ESRRG: variants seen among roughly 807,000 people sequenced by gnomAD.
The protein encoded by ESRRG is estrogen-related receptor gamma.
Under a neutral mutation model 44.0 loss-of-function variants are expected in ESRRG, and 13 were observed. That is an observed-to-expected ratio of 0.30 (90% CI 0.19 to 0.47). The LOEUF is 0.47. ESRRG is among the 20% of genes least tolerant of loss of function. The pLI is 1.00. For missense variants in ESRRG, 395 were observed against 580.6 expected (o/e 0.68, Z 3.29); for synonymous variants, 215 against 214.6 (o/e 1.00, Z -0.02).
chr1:216,522,476 G>T (rs890805551), intron 5 of ESRRG, among the ~76,000 whole-genome samples: 11 of 151,942 alleles, frequency 7.2e-5, no homozygotes, highest in Non-Finnish European at 1.2e-4. Context: ...TCTAGAAATT[G>T]CTGGCTCTCA....
At chr1:216,720,339 C>T (rs11572666) in intron 1 of ESRRG, among the ~76,000 whole-genome samples, 2,001 of 152,140 alleles carry the variant, frequency 0.013, 49 homozygotes, top group African/African-American at 0.046. Flanking sequence ...ACCAACACCA[C>T]ATACCTTTAA....
At chr1:216,613,378 G>A (rs2173372) in intron 3 of ESRRG, among the ~76,000 whole-genome samples, 26,475 of 151,920 alleles carry the variant, frequency 0.17, 2,521 homozygotes, top group Middle Eastern at 0.25. Context: ...TTTTTAAAGC[G>A]CCAAACACAG....
At chr1:216,525,201 G>A (rs1371051545) in intron 5 of ESRRG, among the ~76,000 whole-genome samples, 1 of 151,758 alleles carries the variant, frequency 6.6e-6, no homozygotes, top group Non-Finnish European at 1.5e-5. Flanking sequence ...GTTTTGTTTT[G>A]TTTTTTTCCT....
At chr1:216,877,571 T>A (rs2096377432) in intron 2 of ESRRG, among the ~76,000 whole-genome samples, 1 of 151,706 alleles carries the variant, frequency 6.6e-6, no homozygotes, top group South Asian at 2.1e-4. Context: ...ACCTGGCTAA[T>A]TTTTTTGTAT....
At chr1:217,021,563 T>C (rs2080331014) in intron 1 of ESRRG, among the ~76,000 whole-genome samples, 1 of 152,202 alleles carries the variant, frequency 6.6e-6, no homozygotes, top group African/African-American at 2.4e-5. Flanking sequence ...CTGTTAGGCT[T>C]GTTGCCATGC....
At chr1:217,122,610 C>T (rs1440076574) in intron 1 of ESRRG, among the ~76,000 whole-genome samples, 1 of 151,442 alleles carries the variant, frequency 6.6e-6, no homozygotes, top group African/African-American at 2.4e-5. Flanking sequence ...ATCTTAAATT[C>T]CTTCATTTAC....
intron 2 of ESRRG, among the ~76,000 whole-genome samples, chr1:216,846,223 T>C (rs1542003): frequency 0.19 from 28,557 of 152,016 alleles, 2,758 homozygotes; most frequent in Admixed American, 0.25. Flanking sequence ...ATTGTGAAAA[T>C]ATTTCCACGT....
intron 2 of ESRRG, among the ~76,000 whole-genome samples, chr1:216,856,172 T>G (rs1253165102): frequency 6.6e-6 from 1 of 151,812 alleles, no homozygotes; most frequent in Non-Finnish European, 1.5e-5. Flanking sequence ...AAAAAAAAAC[T>G]TCCTATGAAA....
At chr1:216,820,547 C>T (rs1041005533) in intron 2 of ESRRG, among the ~76,000 whole-genome samples, 15 of 152,078 alleles carry the variant, frequency 9.9e-5, no homozygotes, top group African/African-American at 3.6e-4. Flanking sequence ...GCCAGTAAGC[C>T]TTTCGACTCT....
At chr1:216,605,570 T>G (rs1175158919) in intron 3 of ESRRG, among the ~76,000 whole-genome samples, 1 of 152,202 alleles carries the variant, frequency 6.6e-6, no homozygotes, top group African/African-American at 2.4e-5. Flanking sequence ...TATATGTGTC[T>G]ATGTATACTG....
chr1:217,096,887 G>A (rs2092433194), intron 1 of ESRRG, among the ~76,000 whole-genome samples: 1 of 152,146 alleles, frequency 6.6e-6, no homozygotes, highest in Non-Finnish European at 1.5e-5. Flanking sequence ...TGATCAAGGA[G>A]AACATTTGCC....
intron 1 of ESRRG, among the ~76,000 whole-genome samples, chr1:216,717,536 A>G (rs2085163297): frequency 6.6e-6 from 1 of 151,914 alleles, no homozygotes; most frequent in South Asian, 2.1e-4. Context: ...TAAAAACACA[A>G]TAGCAGTAAA....
chr1:217,038,219 T>G (rs2083254424), intron 1 of ESRRG, among the ~76,000 whole-genome samples: 2 of 152,228 alleles, frequency 1.3e-5, no homozygotes, highest in Admixed American at 6.5e-5. Flanking sequence ...CCTTTGTCAT[T>G]GCCCTAGCAG....
chr1:217,016,130 C>T (rs1001755587), intron 1 of ESRRG, among the ~76,000 whole-genome samples: 9 of 151,900 alleles, frequency 5.9e-5, no homozygotes, highest in South Asian at 2.1e-4. Context: ...GGAAAAGAAG[C>T]GAGTGATAGT....
At chr1:216,882,468 G>A (rs2096461139) in intron 2 of ESRRG, among the ~76,000 whole-genome samples, 1 of 152,078 alleles carries the variant, frequency 6.6e-6, no homozygotes, top group Non-Finnish European at 1.5e-5. Context: ...CTAGCACCTA[G>A]AATATACTCA....
intron 2 of ESRRG, among the ~76,000 whole-genome samples, chr1:216,741,424 C>A (rs143947510): frequency 4.0e-5 from 6 of 149,420 alleles, no homozygotes; most frequent in African/African-American, 1.5e-4. Context: ...TCTAACACTC[C>A]CCCCCGCCCC....
intron 2 of ESRRG, among the ~76,000 whole-genome samples, chr1:216,837,821 T>C (rs564180245): frequency 9.8e-5 from 15 of 152,332 alleles, no homozygotes; most frequent in African/African-American, 3.4e-4. Flanking sequence ...TTTCAAATAG[T>C]TGTGGCTGCA....
intron 1 of ESRRG, among the ~76,000 whole-genome samples, chr1:216,956,884 G>A (rs2068055079): frequency 6.6e-6 from 1 of 151,970 alleles, no homozygotes; most frequent in Non-Finnish European, 1.5e-5. Context: ...AAACCAAAAG[G>A]TTAACCAAAT....
intron 2 of ESRRG, among the ~76,000 whole-genome samples, chr1:216,829,366 A>G (rs1267680915): frequency 6.6e-6 from 1 of 152,144 alleles, no homozygotes; most frequent in East Asian, 1.9e-4. Flanking sequence ...ATACTGTGCA[A>G]GATTCTTTCA....
Sources: allele counts gnomAD v4.1 joint callset (sites outside exome capture counted in the v4.1 genomes callset), GRCh38; gene constraint gnomAD v4.1.1; transcripts MANE v1.5; gene names NCBI Gene and HGNC (gene_info 2026-07-23, HGNC 2026-07-21).